The following PLEKHA5 variants were observed in gnomAD, a reference collection of about 807,000 sequenced individuals.
The protein encoded by PLEKHA5 is pleckstrin homology domain-containing family A member 5.
In PLEKHA5, 55 loss-of-function variants were observed where a neutral mutation model predicts 181.9. That is an observed-to-expected ratio of 0.30 (90% CI 0.24 to 0.38). PLEKHA5 has a LOEUF of 0.38. Among genes scored for constraint, PLEKHA5 ranks in the 10% least tolerant of loss-of-function variants. PLEKHA5 has a pLI of 1.00. For missense variants in PLEKHA5, 1,432 were observed against 1,549.5 expected, an observed-to-expected ratio of 0.92 and a Z score of 1.27; for synonymous variants, 535 against 529.4, an observed-to-expected ratio of 1.01 and a Z score of -0.15.
chr12:19,364,616 A>C (rs2095364946), intron 29 of PLEKHA5, among the ~76,000 whole-genome samples: 1 of 152,100 alleles, frequency 6.6e-6, no homozygotes, highest in African/African-American at 2.4e-5. Context: ...AAATCTGACA[A>C]GGATCTTTAT....
chr12:19,179,573 T>C (rs1249822660), intron 3 of PLEKHA5, among the ~76,000 whole-genome samples: 2 of 152,120 alleles, frequency 1.3e-5, no homozygotes, highest in Admixed American at 1.3e-4. Flanking sequence ...GGCAGGAGAA[T>C]CGCTTGAACC....
chr12:19,314,655 G>T, intron 15 of PLEKHA5, 159 bp from the exon 16 acceptor site: 1 of 644,178 alleles, frequency 1.6e-6, no homozygotes, highest in Non-Finnish European at 2.9e-6. Context: ...TGTTTGAAAT[G>T]GTTTATATGA....
chr12:19,363,014 C>G (rs2095306237), intron 29 of PLEKHA5, among the ~76,000 whole-genome samples: 1 of 151,968 alleles, frequency 6.6e-6, no homozygotes, highest in Non-Finnish European at 1.5e-5. Flanking sequence ...GCCCTGAAAT[C>G]AGTCTTCCCA....
At chr12:19,214,516 C>T (rs1190921499) in intron 3 of PLEKHA5, among the ~76,000 whole-genome samples, 1 of 151,812 alleles carries the variant, frequency 6.6e-6, no homozygotes, top group Non-Finnish European at 1.5e-5. Context: ...TACATAGGAG[C>T]CAGTAGAGAG....
At chr12:19,149,446 G>A (rs1171829562) in intron 3 of PLEKHA5, 1 of 146,770 alleles carries the variant, frequency 6.8e-6, no homozygotes, top group Non-Finnish European at 1.5e-5. Flanking sequence ...GGAGCTTGCA[G>A]TGAGCCGAGA....
chr12:19,269,028 A>G (rs1433122939), intron 8 of PLEKHA5, among the ~76,000 whole-genome samples: 1 of 152,168 alleles, frequency 6.6e-6, no homozygotes, highest in African/African-American at 2.4e-5. Flanking sequence ...CATAACATGT[A>G]CATTTCTATT....
intron 23 of PLEKHA5, among the ~76,000 whole-genome samples, chr12:19,346,276 C>T (rs2094325962): frequency 6.6e-6 from 1 of 152,098 alleles, no homozygotes; most frequent in African/African-American, 2.4e-5. Flanking sequence ...TACTGTCAAC[C>T]TAACCAAAAG....
In PLEKHA5 at chr12:19,320,091, A is replaced by G. The variant is rs2090236708; in HGVS notation, c.2154+35A>G. 7.7e-6 allele frequency: 6 copies of G among 774,980 alleles called. No homozygotes were observed. In the South Asian group the frequency reaches 9.2e-5, roughly 12 times the overall value. The allele number at this position is 774,980 out of a possible 1,614,324, so 48.0% of individuals were successfully genotyped here. A position where few individuals can be genotyped will look rare whatever the true frequency, so the allele number is the denominator to read the frequency against. On this transcript the variant is annotated intron_variant, in intron 17 of 31. Transcript: ENST00000429027. ...TTTATATATTATATATATGTATACA[A>G]TATGTTATAGGTTTTGTTAAGATGT...
At position 19,286,689 on chromosome 12, in the gene PLEKHA5, G is replaced by A. The variant is rs182240338; in HGVS notation, c.1780-784G>A. 9.7e-4 allele frequency among the ~76,000 whole-genome samples: 148 copies of A among 152,158 alleles called. 1 individual carries two copies. The highest frequency in any genetic ancestry group is 3.9e-3 in the East Asian group (20 of 5,152). Reference sequence around the variant, plus strand: ...ATTTTAGAATTACTCTGTTCAGGCCGGGCAAGTGGCTCAAGCCTGTAATCC... The same window carrying A: ...ATTTTAGAATTACTCTGTTCAGGCCAGGCAAGTGGCTCAAGCCTGTAATCC... On this transcript the variant is annotated intron_variant, in intron 12 of 31. Transcript: ENST00000429027.
At chr12:19,131,102 CAT>C (rs1325230556) in intron 2 of PLEKHA5, among the ~76,000 whole-genome samples, 12 of 152,268 alleles carry the variant, frequency 7.9e-5, no homozygotes, top group Admixed American at 2.0e-4. Flanking sequence ...TGAAATGTAA[CAT>C]GTGTTCTCTT....
At chr12:19,176,588 G>C (rs1399459751) in intron 3 of PLEKHA5, 1 of 152,164 alleles carries the variant, frequency 6.6e-6, no homozygotes, top group African/African-American at 2.4e-5. Context: ...CACCATGCCT[G>C]CCTTTCTCTT....
chr12:19,182,419 G>C (rs185143555), intron 3 of PLEKHA5, among the ~76,000 whole-genome samples: 13 of 152,288 alleles, frequency 8.5e-5, no homozygotes, highest in African/African-American at 2.6e-4. Flanking sequence ...TTGCAAAGGT[G>C]TTGTATATGG....
In PLEKHA5 at chr12:19,291,712, G is replaced by A; in HGVS notation, c.2037+15G>A. 1 of 1,419,724 alleles carries A rather than the reference G, an allele frequency of 7.0e-7. No homozygotes were observed. The highest frequency in any genetic ancestry group is 9.5e-7 in the Non-Finnish European group (1 of 1,048,008). 87.9% of individuals were successfully genotyped at this position (1,419,724 alleles called of 1,614,324 possible). A position where few individuals can be genotyped will look rare whatever the true frequency, so the allele number is the denominator to read the frequency against. On this transcript the variant is annotated intron_variant, in intron 15 of 31. Coordinates refer to ENST00000429027, the MANE Select transcript of PLEKHA5 (RefSeq NM_001256470.2). ...TGGATCATCAGGTGGGATTCATAGA[G>A]ATTTTCTTACTTTTAATACTTAATA...
chr12:19,352,075 T>G (rs2094623117), intron 25 of PLEKHA5, among the ~76,000 whole-genome samples: 1 of 68,016 alleles, frequency 1.5e-5, no homozygotes, highest in African/African-American at 6.5e-5. Flanking sequence ...AAACTCCATC[T>G]CAAAAAAAAA....
rs940318797 is a variant in PLEKHA5 at position 19,200,787 on chromosome 12, TTAGA to T, written c.228-53145_228-53142del. ...GATTCAATAAATGATGTTATGATAA[TTAGA>T]TAGATAGCTATATGTAAGCATAAAA... On this transcript the variant is annotated intron_variant, in intron 3 of 31. Transcript: ENST00000429027. 1.2e-5 allele frequency: 7 copies of T among 575,166 alleles called. No homozygotes were observed. In the South Asian group the frequency reaches 2.3e-4, roughly 19 times the overall value. 35.6% of individuals were successfully genotyped at this position (575,166 alleles called of 1,614,324 possible).
At chr12:19,253,237 G>A (rs556415550) in intron 3 of PLEKHA5, among the ~76,000 whole-genome samples, 154 of 150,926 alleles carry the variant, frequency 1.0e-3, no homozygotes, top group Non-Finnish European at 1.6e-3. Flanking sequence ...ACCACACCTG[G>A]CTAATTTTTG....
intron 20 of PLEKHA5, among the ~76,000 whole-genome samples, chr12:19,329,428 G>A (rs143367893): frequency 7.2e-4 from 109 of 152,186 alleles, no homozygotes; most frequent in African/African-American, 2.5e-3. Flanking sequence ...CTCTTTGTAT[G>A]TCTGGTAGAA....
chr12:19,138,313 C>T (rs1364911830), intron 3 of PLEKHA5, among the ~76,000 whole-genome samples: 3 of 152,084 alleles, frequency 2.0e-5, no homozygotes, highest in Non-Finnish European at 4.4e-5. Flanking sequence ...TGGCTCATGC[C>T]TGTAATCCTA....
intron 11 of PLEKHA5, 47 bp downstream of exon 11, chr12:19,275,030 T>C (rs2074098548): frequency 7.7e-7 from 1 of 1,291,848 alleles, no homozygotes; most frequent in Non-Finnish European, 1.1e-6. Context: ...TTTGATGCTG[T>C]GTTGGTGGAG....
Sources: allele counts gnomAD v4.1 joint callset (sites outside exome capture counted in the v4.1 genomes callset), GRCh38; gene constraint gnomAD v4.1.1; transcripts MANE v1.5; gene names NCBI Gene and HGNC (gene_info 2026-07-23, HGNC 2026-07-21).